Variants in COG5 observed in about 807,000 individuals in gnomAD.
COG5 encodes component of oligomeric golgi complex 5, also known as conserved oligomeric Golgi complex subunit 5.
COG5 carries 86 observed loss-of-function variants against 110.4 expected under a neutral mutation model. The ratio of observed to expected loss-of-function variants is 0.78; its 90% CI spans 0.65 to 0.93. The LOEUF is 0.93. Ranked by LOEUF, COG5 falls within the 40% of genes least tolerant of loss-of-function variation. The pLI, the probability that COG5 is intolerant of heterozygous loss-of-function variation, is 0.00. For synonymous variants in COG5, 360 were observed against 334.6 expected (o/e 1.08, Z -0.83); for missense variants, 1,077 against 987.0 (o/e 1.09, Z -1.22).
intron 10 of COG5, among the ~76,000 whole-genome samples, chr7:107,347,554 T>C (rs1000538286): frequency 6.6e-6 from 1 of 152,170 alleles, no homozygotes; most frequent in Non-Finnish European, 1.5e-5. Flanking sequence ...TAATACATTA[T>C]ATAGTTTTGA....
intron 12 of COG5, among the ~76,000 whole-genome samples, chr7:107,289,418 T>C (rs1805971383): frequency 1.3e-5 from 2 of 152,150 alleles, no homozygotes; most frequent in Admixed American, 6.5e-5. Context: ...TGTAGTGACT[T>C]GTGAGCCCTC....
intron 19 of COG5, 45 bp downstream of exon 19, chr7:107,230,570 T>C: frequency 7.1e-7 from 1 of 1,403,588 alleles, no homozygotes; most frequent in African/African-American, 1.4e-5. Flanking sequence ...AAAGGATTTA[T>C]TTGCCTGGAG....
At chr7:107,466,363 T>C (rs1347961342) in intron 6 of COG5, among the ~76,000 whole-genome samples, 2 of 152,178 alleles carry the variant, frequency 1.3e-5, no homozygotes, top group African/African-American at 4.8e-5. Flanking sequence ...ATGTATTTAC[T>C]TTTATAATGT....
chr7:107,407,504 G>C (rs917464091), intron 7 of COG5, among the ~76,000 whole-genome samples: 1 of 151,934 alleles, frequency 6.6e-6, no homozygotes, highest in African/African-American at 2.4e-5. Context: ...AAAAGATATA[G>C]TACTAGGTCT....
At chr7:107,310,132 G>A (rs1198834384) in intron 11 of COG5, among the ~76,000 whole-genome samples, 1 of 151,956 alleles carries the variant, frequency 6.6e-6, no homozygotes, top group East Asian at 1.9e-4. Flanking sequence ...ATAGCTGCAT[G>A]TGCCACTCTC....
intron 10 of COG5, among the ~76,000 whole-genome samples, chr7:107,338,327 C>G (rs1162224149): frequency 6.6e-6 from 1 of 151,920 alleles, no homozygotes; most frequent in Non-Finnish European, 1.5e-5. Context: ...GAATAGATAG[C>G]CCAGAAATAA....
At chr7:107,397,062 G>C (rs1215669264) in intron 7 of COG5, among the ~76,000 whole-genome samples, 1 of 152,168 alleles carries the variant, frequency 6.6e-6, no homozygotes, top group Non-Finnish European at 1.5e-5. Flanking sequence ...GGCAATGGCT[G>C]ATAAGTAGCC....
At chr7:107,511,679 T>C (rs1799526077) in intron 6 of COG5, among the ~76,000 whole-genome samples, 1 of 152,144 alleles carries the variant, frequency 6.6e-6, no homozygotes, top group African/African-American at 2.4e-5. Flanking sequence ...CAGCAGCACA[T>C]CAAAAAGCTT....
intron 3 of COG5, among the ~76,000 whole-genome samples, chr7:107,551,903 A>C (rs927579294): frequency 2.0e-5 from 3 of 152,226 alleles, no homozygotes; most frequent in African/African-American, 7.2e-5. Flanking sequence ...GGCGTGAGCC[A>C]CTGCACCCTG....
chr7:107,528,385 G>A (rs1584935062), intron 5 of COG5, among the ~76,000 whole-genome samples: 1 of 152,030 alleles, frequency 6.6e-6, no homozygotes, highest in Admixed American at 6.5e-5. Context: ...CACCATGCGT[G>A]GTGATTTTTA....
chr7:107,488,819 C>T (rs1283551139), intron 6 of COG5, among the ~76,000 whole-genome samples: 1 of 151,976 alleles, frequency 6.6e-6, no homozygotes, highest in Non-Finnish European at 1.5e-5. Context: ...TGCACTCCAA[C>T]CTGGGCAACA....
chr7:107,336,677 T>A (rs549634078), intron 10 of COG5, among the ~76,000 whole-genome samples: 34 of 152,248 alleles, frequency 2.2e-4, no homozygotes, highest in Non-Finnish European at 4.0e-4. Context: ...AAATAAAAAA[T>A]TTTTAAATCA....
intron 6 of COG5, among the ~76,000 whole-genome samples, chr7:107,508,657 G>A (rs927252827): frequency 6.6e-5 from 10 of 152,096 alleles, no homozygotes; most frequent in African/African-American, 1.7e-4. Flanking sequence ...CACCTTACAC[G>A]GCCGGGTACT....
At chr7:107,404,704 G>A (rs988794600) in intron 7 of COG5, among the ~76,000 whole-genome samples, 2 of 151,734 alleles carry the variant, frequency 1.3e-5, no homozygotes, top group Admixed American at 6.6e-5. Flanking sequence ...AATGAGGGAT[G>A]GAAATGTCAA....
intron 10 of COG5, among the ~76,000 whole-genome samples, chr7:107,352,532 A>C (rs926959059): frequency 6.6e-6 from 1 of 151,930 alleles, no homozygotes; most frequent in African/African-American, 2.4e-5. Context: ...AAAACCAGAA[A>C]TCTACCTGGT....
chr7:107,426,166 C>G (rs777997126), intron 6 of COG5, among the ~76,000 whole-genome samples: 3 of 152,280 alleles, frequency 2.0e-5, no homozygotes, highest in Non-Finnish European at 1.5e-5. Flanking sequence ...ATTTAAGCCA[C>G]CCAGTTTGTG....
At chr7:107,557,131 TTA>T (rs1803383661) in intron 2 of COG5, among the ~76,000 whole-genome samples, 1 of 152,100 alleles carries the variant, frequency 6.6e-6, no homozygotes, top group Non-Finnish European at 1.5e-5. Flanking sequence ...AATCAGAATT[TTA>T]GAGTTAAAAT....
Position 107,512,684 on chromosome 7 carries a change from G to A in COG5, c.538+14553C>T, listed in dbSNP as rs1799613075. Among the ~76,000 whole-genome samples the A allele has an allele frequency of 2.0e-5, 3 of 152,282 alleles. No homozygotes were observed. In the South Asian group the frequency reaches 6.2e-4, roughly 32 times the overall value. On this transcript the variant is annotated intron_variant, in intron 6 of 21. Coordinates refer to ENST00000297135, the MANE Select transcript of COG5 (RefSeq NM_006348.5). ...ACAGTAACCAAAGCAGCATGGTACT[G>A]GTACCAAAACAGAGGTATAGACCAA...
At position 107,474,592 on chromosome 7, in the gene COG5, G is replaced by A; in HGVS notation, c.538+52645C>T. Reference sequence around the variant, plus strand: ...TTTCTCTTTCCTGATTCCTTTTATTGAGGTAAATTTTTTCAGTCTTCAAAG... The same window carrying A: ...TTTCTCTTTCCTGATTCCTTTTATTAAGGTAAATTTTTTCAGTCTTCAAAG... On this transcript the variant is annotated intron_variant, in intron 6 of 21. Transcript: ENST00000297135. The surrounding 1 kb of genome is among the most constrained non-coding windows in gnomAD (Gnocchi z 5.7). The A allele has an allele frequency of 1.2e-6, 2 of 1,610,108 alleles. No individual in the cohort carries two copies. Among genetic ancestry groups the A allele is most frequent in the East Asian group, 2.2e-5 (1 of 44,816 alleles).
Sources: allele counts gnomAD v4.1 joint callset (sites outside exome capture counted in the v4.1 genomes callset), GRCh38; gene constraint gnomAD v4.1.1; non-coding constraint Gnocchi (gnomAD v3.1); transcripts MANE v1.5; gene names NCBI Gene and HGNC (gene_info 2026-07-23, HGNC 2026-07-21).